Variants in PPTC7 observed in about 807,000 individuals in gnomAD.
PPTC7 encodes protein phosphatase PTC7 homolog.
Under a neutral mutation model 30.8 loss-of-function variants are expected in PPTC7, and 6 were observed. That is an observed-to-expected ratio of 0.19 (90% CI 0.11 to 0.38). PPTC7 has a LOEUF of 0.38. PPTC7 is among the 10% of genes least tolerant of loss of function. The pLI is 1.00. For synonymous variants in PPTC7, 163 were observed against 168.1 expected (o/e 0.97, Z 0.23); for missense variants, 218 against 404.8 (o/e 0.54, Z 3.96).
rs2064195944 is a variant in PPTC7, at chr12:110,533,934, A to G, written c.*3103T>C. On this transcript the variant is annotated 3_prime_UTR_variant, in exon 6 of 6. Coordinates refer to ENST00000354300, the MANE Select transcript of PPTC7 (RefSeq NM_139283.2). ...GCTCTCCCATCATGCAAAGCTTGAA[A>G]CCCAGTTTCTAATCTAGACACAGCC... 1 of 152,140 alleles carries G rather than the reference A, an allele frequency of 6.6e-6. No individual in the cohort carries two copies. The allele number at this position is 152,140 out of a possible 1,614,324, so 9.4% of individuals were successfully genotyped here. A position where few individuals can be genotyped will look rare whatever the true frequency, so the allele number is the denominator to read the frequency against.
chr12:110,541,666 C>T (rs541907375), intron 3 of PPTC7, among the ~76,000 whole-genome samples: 13 of 144,208 alleles, frequency 9.0e-5, no homozygotes, highest in Non-Finnish European at 1.8e-4. Flanking sequence ...CACCATTGCA[C>T]TCCAGCTAGG....
In PPTC7 at chr12:110,582,916, G is replaced by C; in HGVS notation, c.116C>G (p.Ala39Gly). The C allele has an allele frequency of 6.5e-7, 1 of 1,549,734 alleles. No individual in the cohort carries two copies. The highest frequency in any genetic ancestry group is 8.7e-7 in the Non-Finnish European group (1 of 1,147,130). ...GAAGTCCTTCCCGAAGCCGCAGCCG[G>C]CCGTCACCAGTCCGTAGTCGCCGCC... is the stretch of plus-strand genomic sequence containing the variant. ...GGGGDYGLVT[A>G]GCGFGKDFRK... The change falls in exon 1 of 6, where the codon GCC becomes GGC. Residue 39 changes from alanine (A) to glycine (G), a missense_variant. Transcript: ENST00000354300.
At chr12:110,572,475 T>C (rs1381807921) in intron 1 of PPTC7, among the ~76,000 whole-genome samples, 1 of 152,042 alleles carries the variant, frequency 6.6e-6, no homozygotes. Flanking sequence ...AAGATAACAA[T>C]GTACAGAGTA....
At chr12:110,574,634 T>C (rs1003026578) in intron 1 of PPTC7, among the ~76,000 whole-genome samples, 3 of 152,196 alleles carry the variant, frequency 2.0e-5, no homozygotes, top group Non-Finnish European at 4.4e-5. Context: ...CAAGTTGAAA[T>C]GAATAATAAG....
intron 1 of PPTC7, among the ~76,000 whole-genome samples, chr12:110,571,738 AC>A (rs1199051038): frequency 1.3e-5 from 2 of 152,228 alleles, no homozygotes; most frequent in Admixed American, 1.3e-4. Context: ...CACAAAACAT[AC>A]TAACCTTGTT....
At chr12:110,542,735 C>T (rs2064272030) in intron 3 of PPTC7, among the ~76,000 whole-genome samples, 1 of 146,262 alleles carries the variant, frequency 6.8e-6, no homozygotes. Context: ...ATAAAGAAAC[C>T]TTTGAGGACA....
intron 1 of PPTC7, among the ~76,000 whole-genome samples, chr12:110,566,514 C>T (rs2064484329): frequency 6.6e-6 from 1 of 152,200 alleles, no homozygotes; most frequent in Admixed American, 6.5e-5. Context: ...CTCGATTTCA[C>T]AGGGCCGGTG....
intron 3 of PPTC7, among the ~76,000 whole-genome samples, chr12:110,541,852 T>C (rs2135761348): frequency 6.6e-6 from 1 of 150,888 alleles, no homozygotes; most frequent in Admixed American, 6.6e-5. Flanking sequence ...TCAAGAAATA[T>C]CTTGATATCT....
intron 1 of PPTC7, among the ~76,000 whole-genome samples, chr12:110,581,794 T>C (rs926183868): frequency 3.3e-5 from 5 of 152,342 alleles, no homozygotes; most frequent in Admixed American, 1.3e-4. Context: ...CCTCAGCATA[T>C]GAAATTTAAA....
At chr12:110,580,621 T>C (rs780344296) in intron 1 of PPTC7, among the ~76,000 whole-genome samples, 6 of 152,228 alleles carry the variant, frequency 3.9e-5, no homozygotes, top group Non-Finnish European at 7.3e-5. Context: ...ATTACAGGCG[T>C]GAGCCACCAC....
intron 1 of PPTC7, among the ~76,000 whole-genome samples, chr12:110,563,373 T>C (rs1351573230): frequency 5.9e-5 from 9 of 152,124 alleles, no homozygotes; most frequent in Admixed American, 5.2e-4. Context: ...TCCCAGCACT[T>C]TGGGAGGCCA....
At position 110,582,852 on chromosome 12, in the gene PPTC7, G is replaced by A; in HGVS notation, c.180C>T (p.Asp60=). The change falls in exon 1 of 6, where the codon GAC becomes GAT. Residue 60 remains aspartate, a synonymous_variant. Coordinates refer to ENST00000354300, the MANE Select transcript of PPTC7 (RefSeq NM_139283.2). ...GLLKKGACYG[D]DACFVARHRS... ...GGTGCCGGGCCACGAAGCACGCGTC[G>A]TCCCCGTAGCACGCGCCCTTCTTGA... The A allele has an allele frequency of 1.9e-6, 3 of 1,561,102 alleles. No individual in the cohort carries two copies. Among genetic ancestry groups the A allele is most frequent in the Non-Finnish European group, 2.6e-6 (3 of 1,152,718 alleles).
At chr12:110,541,700 C>CAAAAA (rs748911395) in intron 3 of PPTC7, among the ~76,000 whole-genome samples, 1 of 66,464 alleles carries the variant, frequency 1.5e-5, no homozygotes, top group Non-Finnish European at 3.3e-5. Flanking sequence ...AACTCCGTCT[C>CAAAAA]AAAAAAAAAA....
chr12:110,553,535 T>C (rs762236413), intron 1 of PPTC7, among the ~76,000 whole-genome samples: 4 of 152,092 alleles, frequency 2.6e-5, no homozygotes, highest in Non-Finnish European at 4.4e-5. Flanking sequence ...TCCCAGCACG[T>C]TGGGAGGCCA....
intron 2 of PPTC7, chr12:110,546,851 T>C (rs1429437160): frequency 6.6e-6 from 1 of 152,058 alleles, no homozygotes; most frequent in Admixed American, 6.5e-5. Flanking sequence ...CACAAAGAAA[T>C]AAGTGTAGAT....
At chr12:110,546,427 TTGAGA>T (rs2064306636) in intron 2 of PPTC7, 1 of 220,754 alleles carries the variant, frequency 4.5e-6, no homozygotes, top group South Asian at 7.8e-5. Flanking sequence ...AAACATGTTG[TTGAGA>T]TATTAAGTTT....
At chr12:110,579,929 C>T (rs1245163729) in intron 1 of PPTC7, among the ~76,000 whole-genome samples, 1 of 151,974 alleles carries the variant, frequency 6.6e-6, no homozygotes, top group Non-Finnish European at 1.5e-5. Flanking sequence ...AGGGGAATCA[C>T]TTAAACCCGG....
At chr12:110,549,805 G>A (rs1048783499) in intron 2 of PPTC7, among the ~76,000 whole-genome samples, 6 of 152,194 alleles carry the variant, frequency 3.9e-5, no homozygotes, top group Non-Finnish European at 8.8e-5. Context: ...GTAAATGATC[G>A]GGGGTCAGAG....
At chr12:110,546,474 A>G (rs553226829) in intron 2 of PPTC7, 1 of 184,058 alleles carries the variant, frequency 5.4e-6, no homozygotes, top group Non-Finnish European at 1.2e-5. Context: ...AAAATGTTAC[A>G]TTTTCCCGAC....
Sources: gnomAD v4.1 joint callset for allele counts (sites outside exome capture counted in the v4.1 genomes callset) on GRCh38, gnomAD v4.1.1 for gene constraint, MANE v1.5 for transcripts, NCBI Gene and HGNC (gene_info 2026-07-23, HGNC 2026-07-21) for gene names.